Variants in LCA5 observed in about 807,000 individuals in gnomAD.
The protein encoded by LCA5 is lebercilin.
In LCA5, 37 loss-of-function variants were observed where a neutral mutation model predicts 53.0. The observed-to-expected ratio is 0.70, with a 90% CI of 0.54 to 0.92. The LOEUF (loss-of-function observed/expected upper bound fraction) is 0.92, where lower values mean the gene tolerates loss of function less well. LCA5 is among the 40% of genes least tolerant of loss of function. LCA5 has a pLI of 0.00. For synonymous variants in LCA5, 303 were observed against 282.9 expected (o/e 1.07, Z -0.71); for missense variants, 806 against 790.5 (o/e 1.02, Z -0.23).
chr6:79,536,080 T>C (rs1012154052), intron 1 of LCA5, among the ~76,000 whole-genome samples: 8 of 152,244 alleles, frequency 5.3e-5, no homozygotes, highest in South Asian at 2.1e-4. Flanking sequence ...AAATGATACT[T>C]TGTCAACTTA....
At chr6:79,494,127 T>C (rs1425971926) in intron 3 of LCA5, among the ~76,000 whole-genome samples, 1 of 151,918 alleles carries the variant, frequency 6.6e-6, no homozygotes, top group Non-Finnish European at 1.5e-5. Flanking sequence ...TGGTGGTGCA[T>C]GCCTGAGTAG....
intron 3 of LCA5, among the ~76,000 whole-genome samples, chr6:79,507,902 C>A (rs1770311669): frequency 6.6e-6 from 1 of 152,150 alleles, no homozygotes; most frequent in African/African-American, 2.4e-5. Flanking sequence ...GCAAGTTACC[C>A]TCAGTAAACC....
intron 3 of LCA5, among the ~76,000 whole-genome samples, chr6:79,495,682 C>A (rs1162660951): frequency 6.9e-6 from 1 of 144,968 alleles, no homozygotes; most frequent in Non-Finnish European, 1.5e-5. Flanking sequence ...ACCTGGGAGG[C>A]AGAAGTTGCA....
chr6:79,489,337 A>G, intron 6 of LCA5, 121 bp from the exon 7 acceptor site: 1 of 995,352 alleles, frequency 1.0e-6, no homozygotes, highest in South Asian at 1.5e-5. Context: ...CAAATTTTCA[A>G]TTAATGAATC....
chr6:79,500,482 A>G (rs1770108288), intron 3 of LCA5, among the ~76,000 whole-genome samples: 1 of 152,212 alleles, frequency 6.6e-6, no homozygotes, highest in Non-Finnish European at 1.5e-5. Context: ...TATCAATGTC[A>G]GCTGTTTTAA....
intron 2 of LCA5, among the ~76,000 whole-genome samples, chr6:79,516,824 C>T (rs1766452515): frequency 6.6e-6 from 1 of 150,934 alleles, no homozygotes; most frequent in Admixed American, 6.6e-5. Flanking sequence ...CTTTTTTTAA[C>T]ATAGTAAAAA....
chr6:79,499,771 T>C (rs1454522430), intron 3 of LCA5, among the ~76,000 whole-genome samples: 2 of 151,418 alleles, frequency 1.3e-5, no homozygotes, highest in Non-Finnish European at 3.0e-5. Context: ...TGTATACATG[T>C]GCCATGCTGG....
chr6:79,504,606 C>T (rs1035058651), intron 3 of LCA5, among the ~76,000 whole-genome samples: 2 of 152,158 alleles, frequency 1.3e-5, no homozygotes, highest in African/African-American at 4.8e-5. Flanking sequence ...ATCTAACAGT[C>T]TGTTTACATA....
At chr6:79,495,582 T>C (rs1343827737) in intron 3 of LCA5, among the ~76,000 whole-genome samples, 1 of 151,904 alleles carries the variant, frequency 6.6e-6, no homozygotes, top group African/African-American at 2.4e-5. Context: ...AAATCCCGTC[T>C]CTACTAAAAA....
intron 3 of LCA5, among the ~76,000 whole-genome samples, chr6:79,507,913 TTA>T (rs1205262920): frequency 6.6e-6 from 1 of 152,172 alleles, no homozygotes; most frequent in Non-Finnish European, 1.5e-5. Context: ...TCAGTAAACC[TTA>T]TGTCTCATTT....
At chr6:79,509,164 T>C (rs1271278702) in intron 3 of LCA5, among the ~76,000 whole-genome samples, 1 of 151,994 alleles carries the variant, frequency 6.6e-6, no homozygotes, top group Non-Finnish European at 1.5e-5. Flanking sequence ...TTAAGAGAAG[T>C]AGGTTTATGG....
intron 3 of LCA5, among the ~76,000 whole-genome samples, chr6:79,506,519 G>A (rs1193637313): frequency 1.3e-5 from 2 of 152,166 alleles, no homozygotes; most frequent in East Asian, 3.9e-4. Context: ...CTTATGAGGA[G>A]TTAGGACAGA....
chr6:79,496,044 CAA>C (rs1353618309), intron 3 of LCA5, among the ~76,000 whole-genome samples: 1 of 152,010 alleles, frequency 6.6e-6, no homozygotes, highest in Admixed American at 6.6e-5. Context: ...GATAATTCAC[CAA>C]AAAGATATCC....
In LCA5 at chr6:79,493,108, CTA is replaced by C. The variant is rs1488638495; in HGVS notation, c.859-463_859-462del. ...ACATAAGATAATATATAATTTTGCA[CTA>C]TGTTACACAAAATTTTGTGCAAAAT... On this transcript the variant is annotated intron_variant, in intron 4 of 7. Coordinates refer to ENST00000369846, the MANE Select transcript of LCA5 (RefSeq NM_001122769.3). Among the ~76,000 whole-genome samples, 9 of 152,138 alleles carry C rather than the reference CTA, an allele frequency of 5.9e-5. No individual in the cohort carries two copies. The East Asian group carries it at 1.7e-3, about 29-fold the overall frequency.
intron 3 of LCA5, among the ~76,000 whole-genome samples, chr6:79,496,118 T>C (rs1769976902): frequency 6.6e-6 from 1 of 152,140 alleles, no homozygotes; most frequent in Non-Finnish European, 1.5e-5. Context: ...AAACACAAAT[T>C]AAAGCCACAA....
rs1158570926 is a variant in LCA5, at chr6:79,509,275, T to C, written c.720+3937A>G. The stretch of plus-strand genomic sequence containing the variant: ...TTCCAGGCCAGCCTGACCAACATAG[T>C]GAATCCCGTCTCCACTGAAAATACA... On this transcript the variant is annotated intron_variant, in intron 3 of 7. Coordinates refer to ENST00000369846, the MANE Select transcript of LCA5 (RefSeq NM_001122769.3). 1.1e-4 allele frequency among the ~76,000 whole-genome samples: 16 copies of C among 152,102 alleles called. No individual in the cohort carries two copies. The South Asian group carries it at 3.3e-3, about 32-fold the overall frequency.
At chr6:79,508,475 C>T (rs1315402635) in intron 3 of LCA5, among the ~76,000 whole-genome samples, 3 of 151,890 alleles carry the variant, frequency 2.0e-5, no homozygotes, top group Admixed American at 2.0e-4. Flanking sequence ...TCACCCCACC[C>T]CCACCACCCC....
chr6:79,493,525 A>T, intron 4 of LCA5, 88 bp downstream of exon 4: 1 of 1,240,380 alleles, frequency 8.1e-7, no homozygotes, highest in Non-Finnish European at 1.2e-6. Flanking sequence ...ACCAACTTAC[A>T]AATATGAATA....
At chr6:79,528,297 G>A (rs996852261) in intron 1 of LCA5, among the ~76,000 whole-genome samples, 2 of 152,060 alleles carry the variant, frequency 1.3e-5, no homozygotes, top group Non-Finnish European at 2.9e-5. Flanking sequence ...TCTAGGTGGG[G>A]GGCAGAGTTC....
Sources: gnomAD v4.1 joint callset for allele counts (sites outside exome capture counted in the v4.1 genomes callset) on GRCh38, gnomAD v4.1.1 for gene constraint, MANE v1.5 for transcripts, NCBI Gene and HGNC (gene_info 2026-07-23, HGNC 2026-07-21) for gene names.